The following PTPRS variants were observed in gnomAD, a reference collection of about 807,000 sequenced individuals.
PTPRS encodes the protein receptor-type tyrosine-protein phosphatase S.
In PTPRS, 63 loss-of-function variants were observed where a neutral mutation model predicts 215.3. The ratio of observed to expected loss-of-function variants is 0.29; its 90% CI spans 0.24 to 0.36. PTPRS has a LOEUF of 0.36. Among genes scored for constraint, PTPRS ranks in the 10% least tolerant of loss-of-function variants. The probability of loss-of-function intolerance (pLI) is 1.00; values close to 1 mark genes in which losing one functional copy is unlikely to be tolerated. For missense variants in PTPRS, 2,258 were observed against 2,825.8 expected (o/e 0.80, Z 4.56); for synonymous variants, 1,404 against 1,191.4 (o/e 1.18, Z -3.68).
At chr19:5,249,277 C>T (rs2044781399) in intron 9 of PTPRS, among the ~76,000 whole-genome samples, 1 of 152,218 alleles carries the variant, frequency 6.6e-6, no homozygotes, top group African/African-American at 2.4e-5. Flanking sequence ...TGCCACCGCA[C>T]TCCAGCCTGG....
chr19:5,222,259 G>A, intron 18 of PTPRS, 39 bp from the exon 19 acceptor site: 2 of 1,536,830 alleles, frequency 1.3e-6, no homozygotes, highest in Non-Finnish European at 1.8e-6. Flanking sequence ...GAGCAGAAGA[G>A]AGGCCCCATG....
At chr19:5,319,446 C>T (rs1433767118) in intron 1 of PTPRS, among the ~76,000 whole-genome samples, 1 of 150,184 alleles carries the variant, frequency 6.7e-6, no homozygotes, top group African/African-American at 2.5e-5. Flanking sequence ...AAAGCTATCC[C>T]AAATCCACTT....
At chr19:5,300,607 C>CA (rs973614742) in intron 1 of PTPRS, among the ~76,000 whole-genome samples, 6 of 151,406 alleles carry the variant, frequency 4.0e-5, no homozygotes, top group South Asian at 2.1e-4. Context: ...CCCATCTCAC[C>CA]AAAAAATACC....
intron 1 of PTPRS, among the ~76,000 whole-genome samples, chr19:5,309,323 C>A (rs1043997564): frequency 1.2e-4 from 19 of 152,214 alleles, no homozygotes; most frequent in Admixed American, 1.2e-3. Flanking sequence ...CTAGCCCCAT[C>A]CAGCCCCAAG....
intron 1 of PTPRS, among the ~76,000 whole-genome samples, chr19:5,302,742 A>G (rs1179269038): frequency 6.6e-6 from 1 of 152,056 alleles, no homozygotes; most frequent in East Asian, 1.9e-4. Context: ...CCCCATGCCT[A>G]GGGGTACGTT....
Position 5,212,047 on chromosome 19 carries a change from G to A in PTPRS, c.4973C>T (p.Ala1658Val). Reference sequence around the variant, plus strand: ...CTGGATGTAGGCATAGAGGCTGCGTGCGGGCACTTCTGTGTTGCCACAGCC... The same window carrying A: ...CTGGATGTAGGCATAGAGGCTGCGTACGGGCACTTCTGTGTTGCCACAGCC... The part of the protein sequence containing the change: ...AVGCGNTEVP[A>V]RSLYAYIQKL... The change falls in exon 32 of 38, where the codon GCA becomes GTA. Residue 1658 changes from alanine (A) to valine (V), a missense_variant. Coordinates refer to ENST00000262963, the MANE Select transcript of PTPRS (RefSeq NM_002850.4). The A allele has an allele frequency of 6.2e-7, 1 of 1,614,018 alleles. No homozygotes were observed. Among genetic ancestry groups the A allele is most frequent in the Non-Finnish European group, 8.5e-7 (1 of 1,180,048 alleles).
chr19:5,229,914 CG>C (rs2042883107), intron 14 of PTPRS, among the ~76,000 whole-genome samples: 2 of 150,586 alleles, frequency 1.3e-5, no homozygotes, highest in Non-Finnish European at 3.0e-5. Flanking sequence ...TGCCCCCCCC[CG>C]AGTCTAAACC....
intron 1 of PTPRS, among the ~76,000 whole-genome samples, chr19:5,321,147 C>G (rs1221041016): frequency 6.6e-6 from 1 of 152,086 alleles, no homozygotes; most frequent in Non-Finnish European, 1.5e-5. Context: ...GTGGTGTGCA[C>G]CTATAGTCCC....
At chr19:5,284,274 C>T (rs961875873) in intron 2 of PTPRS, among the ~76,000 whole-genome samples, 12 of 151,740 alleles carry the variant, frequency 7.9e-5, no homozygotes, top group African/African-American at 9.7e-5. Context: ...GCAGGAGGAT[C>T]GCTTGAATCT....
At chr19:5,311,046 A>AT (rs532802714) in intron 1 of PTPRS, among the ~76,000 whole-genome samples, 2 of 151,932 alleles carry the variant, frequency 1.3e-5, no homozygotes, top group African/African-American at 2.4e-5. Flanking sequence ...CGCCCAGCTA[A>AT]TTTTTTTTAT....
In PTPRS at chr19:5,336,017, GAAAA is replaced by G. The variant is rs59078850; in HGVS notation, c.-95+4643_-95+4646del. Among the ~76,000 whole-genome samples the G allele has an allele frequency of 9.3e-5, 13 of 139,838 alleles. No individual in the cohort carries two copies. In the East Asian group the frequency reaches 2.7e-3, roughly 29 times the overall value. The allele number at this position is 139,838 out of a possible 152,430, so 91.7% of individuals were successfully genotyped here. The stretch of plus-strand genomic sequence containing the variant: ...CAGCTCCATGGAGGAGGAGGAGGAG[GAAAA>G]AAAAAAAAGAGAGAGACAAAAATAA... On this transcript the variant is annotated intron_variant, in intron 1 of 37. Coordinates refer to ENST00000262963, the MANE Select transcript of PTPRS (RefSeq NM_002850.4).
intron 1 of PTPRS, among the ~76,000 whole-genome samples, chr19:5,319,312 G>C (rs1218750953): frequency 6.6e-6 from 1 of 152,106 alleles, no homozygotes; most frequent in Non-Finnish European, 1.5e-5. Flanking sequence ...TTGGGAGGCT[G>C]AGGTAGAAGG....
chr19:5,271,452 C>A (rs549085474), intron 4 of PTPRS, among the ~76,000 whole-genome samples: 3 of 148,298 alleles, frequency 2.0e-5, no homozygotes, highest in Non-Finnish European at 4.4e-5. Context: ...GACTGGAGTG[C>A]GATGGCGTGA....
In PTPRS at chr19:5,244,163, C is replaced by T; in HGVS notation, c.1308G>A (p.Arg436=). 6.2e-7 allele frequency: 1 copy of T among 1,600,894 alleles called. No homozygotes were observed. Among genetic ancestry groups the T allele is most frequent in the Non-Finnish European group, 8.5e-7 (1 of 1,173,516 alleles). Residue 436 remains arginine (R), a synonymous_variant, in exon 11 of 38, where the codon CGG becomes CGA. Transcript: ENST00000262963. The surrounding 1 kb of genome is among the most constrained non-coding windows in gnomAD (Gnocchi z 7.2). ...CAATCATGGTGGTCGCGCTGAGCATCCGGGCTTGCACGTTCCGCGGCGCGC... is the reference window on the plus strand; with the variant it reads ...CAATCATGGTGGTCGCGCTGAGCATTCGGGCTTGCACGTTCCGCGGCGCGC... ...PASAPRNVQA[R]MLSATTMIVQ... is the part of the protein sequence containing the mutation.
At position 5,221,197 on chromosome 19, in the gene PTPRS, G is replaced by A; in HGVS notation, c.3258C>T (p.Ile1086=). 6.2e-7 allele frequency: 1 copy of A among 1,614,036 alleles called. No homozygotes were observed. Among genetic ancestry groups the A allele is most frequent in the Non-Finnish European group, 8.5e-7 (1 of 1,179,990 alleles). The part of the protein sequence containing the change: ...DVDGRTTKKL[I]THLKPHTFYN... ...AGAAGGTGTGGGGCTTGAGGTGCGT[G>A]ATGAGCTTCTTGGTGGTACGGCCAT... is the stretch of plus-strand genomic sequence containing the variant. Residue 1086 remains isoleucine, a synonymous_variant, in exon 20 of 38, where the codon ATC becomes ATT. Coordinates refer to ENST00000262963, the MANE Select transcript of PTPRS (RefSeq NM_002850.4).
rs560219886 is a variant in PTPRS at position 5,321,772 on chromosome 19, G to A, written c.-95+18892C>T. 6.8e-5 allele frequency among the ~76,000 whole-genome samples: 10 copies of A among 147,710 alleles called. No homozygotes were observed. The South Asian group carries it at 2.0e-3, about 29-fold the overall frequency. ...GCCAAAATTGTCTCCATTTCCAGAT[G>A]GGTAAACTGAGGCTGGGAAGTTCAG... is the stretch of plus-strand genomic sequence containing the variant. On this transcript the variant is annotated intron_variant, in intron 1 of 37. Coordinates refer to ENST00000262963, the MANE Select transcript of PTPRS (RefSeq NM_002850.4).
At position 5,205,642 on chromosome 19, in the gene PTPRS, C is replaced by T. The variant is rs572039133; in HGVS notation, c.*1132G>A. ...TGCCCTTGTACAAAGAGGAACAACTCGCTTGCTCAGGGTAGGCGGGTAGAG... is the reference window on the plus strand; with the variant it reads ...TGCCCTTGTACAAAGAGGAACAACTTGCTTGCTCAGGGTAGGCGGGTAGAG... On this transcript the variant is annotated 3_prime_UTR_variant, in exon 38 of 38. Transcript: ENST00000262963. Among the ~76,000 whole-genome samples, 42 of 152,324 alleles carry T rather than the reference C, an allele frequency of 2.8e-4. No individual in the cohort carries two copies. The highest frequency in any genetic ancestry group is 8.4e-4 in the African/African-American group (35 of 41,568).
Position 5,294,427 on chromosome 19 carries a change from A to G in PTPRS, c.-94-8193T>C, listed in dbSNP as rs977566336. The G allele has an allele frequency of 6.6e-6, 1 of 152,308 alleles. No individual in the cohort carries two copies. The highest frequency in any genetic ancestry group is 1.5e-5 in the Non-Finnish European group (1 of 68,122). 9.4% of individuals were successfully genotyped at this position (152,308 alleles called of 1,614,324 possible). ...CCCCGGAACTGAGGATATATCATGA[A>G]TAATTTCAAGCCCCTTGGGTTTATC... On this transcript the variant is annotated intron_variant, in intron 1 of 37. Transcript: ENST00000262963. The surrounding 1 kb of genome is among the most constrained non-coding windows in gnomAD (Gnocchi z 5.1).
chr19:5,267,842 GC>G (rs1290927086), intron 4 of PTPRS, among the ~76,000 whole-genome samples: 1 of 151,896 alleles, frequency 6.6e-6, no homozygotes, highest in Non-Finnish European at 1.5e-5. Context: ...GGGGTAAAGG[GC>G]CGCAAAAACA....
Sources: allele counts gnomAD v4.1 joint callset (sites outside exome capture counted in the v4.1 genomes callset), GRCh38; gene constraint gnomAD v4.1.1; non-coding constraint Gnocchi (gnomAD v3.1); transcripts MANE v1.5; gene names NCBI Gene and HGNC (gene_info 2026-07-23, HGNC 2026-07-21).